Variants in IMMP1L observed in about 807,000 individuals in gnomAD.
IMMP1L encodes mitochondrial inner membrane protease subunit 1.
Under a neutral mutation model 21.8 loss-of-function variants are expected in IMMP1L, and 24 were observed. That is an observed-to-expected ratio of 1.10 (90% CI 0.80 to 1.55). The LOEUF (loss-of-function observed/expected upper bound fraction) is 1.55, where lower values mean the gene tolerates loss of function less well. Ranked by LOEUF, IMMP1L falls within the 40% of genes most tolerant of loss-of-function variation. The pLI, the probability that IMMP1L is intolerant of heterozygous loss-of-function variation, is 0.00. For synonymous variants in IMMP1L, 46 were observed against 62.8 expected, an observed-to-expected ratio of 0.73 and a Z score of 1.26; for missense variants, 195 against 200.7, an observed-to-expected ratio of 0.97 and a Z score of 0.17.
intron 4 of IMMP1L, among the ~76,000 whole-genome samples, chr11:31,435,702 T>C (rs1953095760): frequency 6.6e-6 from 1 of 152,174 alleles, no homozygotes; most frequent in East Asian, 1.9e-4. Context: ...TGGATTGATC[T>C]CCTTTTTTTC....
At chr11:31,492,640 A>C (rs1256046806) in intron 1 of IMMP1L, among the ~76,000 whole-genome samples, 2 of 152,184 alleles carry the variant, frequency 1.3e-5, no homozygotes, top group Non-Finnish European at 2.9e-5. Flanking sequence ...TCACTTGAAC[A>C]CTTAAAGACC....
At chr11:31,498,237 C>G (rs964780827) in intron 1 of IMMP1L, among the ~76,000 whole-genome samples, 1 of 151,978 alleles carries the variant, frequency 6.6e-6, no homozygotes, top group African/African-American at 2.4e-5. Context: ...ATTCTTTGAA[C>G]CTTTCACTTT....
chr11:31,491,408 T>C (rs117479573), intron 1 of IMMP1L, among the ~76,000 whole-genome samples: 46 of 152,290 alleles, frequency 3.0e-4, no homozygotes, highest in Admixed American at 4.6e-4. Flanking sequence ...GAACATGGTA[T>C]TGGAAAGTAA....
At chr11:31,495,756 C>T (rs1037620758) in intron 1 of IMMP1L, among the ~76,000 whole-genome samples, 4 of 152,052 alleles carry the variant, frequency 2.6e-5, no homozygotes, top group Non-Finnish European at 5.9e-5. Context: ...GGTGCCAAGA[C>T]CATTCAATGG....
intron 1 of IMMP1L, 30 bp from the exon 2 acceptor site, chr11:31,463,335 T>A (rs1209540397): frequency 8.4e-6 from 13 of 1,544,204 alleles, no homozygotes; most frequent in Non-Finnish European, 1.1e-5. Context: ...AGTTTCATGA[T>A]CAATACTATT....
At chr11:31,508,055 G>C (rs1955837176) in intron 1 of IMMP1L, among the ~76,000 whole-genome samples, 1 of 152,140 alleles carries the variant, frequency 6.6e-6, no homozygotes, top group African/African-American at 2.4e-5. Flanking sequence ...GCTAATGGAT[G>C]CTGGGCTTAA....
chr11:31,441,320 T>C (rs944773104), intron 4 of IMMP1L, among the ~76,000 whole-genome samples: 1 of 149,984 alleles, frequency 6.7e-6, no homozygotes, highest in East Asian at 1.9e-4. Flanking sequence ...TGTTTCAGGG[T>C]TGGGCTTTTT....
chr11:31,462,183 T>C lies in IMMP1L; in HGVS notation c.105+989A>G, dbSNP rs143875678. 7.9e-4 allele frequency among the ~76,000 whole-genome samples: 120 copies of C among 151,976 alleles called. 2 individuals are homozygous for C. The East Asian group carries it at 0.021, about 27-fold the overall frequency. The stretch of plus-strand genomic sequence containing the variant: ...TACAAAAATTAGCCAGGCATGGTGA[T>C]GTGCGCCTGTAGTCCTAGCTACTTG... On this transcript the variant is annotated intron_variant, in intron 2 of 5. Transcript: ENST00000532287.
At chr11:31,447,919 G>T (rs572875721) in intron 4 of IMMP1L, among the ~76,000 whole-genome samples, 1 of 152,262 alleles carries the variant, frequency 6.6e-6, no homozygotes, top group Admixed American at 6.5e-5. Flanking sequence ...ATTACCCAAA[G>T]TGGTAACATC....
chr11:31,453,316 C>T (rs1372848144), intron 4 of IMMP1L, among the ~76,000 whole-genome samples: 2 of 152,172 alleles, frequency 1.3e-5, no homozygotes, highest in African/African-American at 4.8e-5. Flanking sequence ...TTCCAATGAA[C>T]AATTTTGGTG....
rs555103895 is a variant in IMMP1L, at chr11:31,445,166, T to C, written c.321+11094A>G. 2.5e-3 allele frequency among the ~76,000 whole-genome samples: 376 copies of C among 152,348 alleles called. 3 individuals are homozygous for C. Among genetic ancestry groups the C allele is most frequent in the African/African-American group, 8.1e-3 (337 of 41,590 alleles). ...CCCAACTTAATTCAACAAAGGGTAT[T>C]TCAGACTGTAGTAGAAAATGGTGTT... On this transcript the variant is annotated intron_variant, in intron 4 of 5. Coordinates refer to ENST00000532287, the MANE Select transcript of IMMP1L (RefSeq NM_001304274.2).
chr11:31,466,047 C>G (rs891577942), intron 1 of IMMP1L, among the ~76,000 whole-genome samples: 1 of 151,736 alleles, frequency 6.6e-6, no homozygotes, highest in Non-Finnish European at 1.5e-5. Context: ...CTAGAATATA[C>G]AAGGAACCCA....
chr11:31,504,574 A>G (rs1006777417), intron 1 of IMMP1L, among the ~76,000 whole-genome samples: 1 of 152,222 alleles, frequency 6.6e-6, no homozygotes, highest in Non-Finnish European at 1.5e-5. Context: ...ACCATTCCCA[A>G]ATACTACTGG....
chr11:31,459,406 G>A (rs1378829027), intron 3 of IMMP1L, among the ~76,000 whole-genome samples: 3 of 152,144 alleles, frequency 2.0e-5, no homozygotes, highest in Non-Finnish European at 2.9e-5. Flanking sequence ...TTACTGAAAT[G>A]AAAGCAGGCA....
In IMMP1L at chr11:31,473,875, A is replaced by T. The variant is rs1421626559; in HGVS notation, c.-29-10570T>A. On this transcript the variant is annotated intron_variant, in intron 1 of 5. Transcript: ENST00000532287. The stretch of plus-strand genomic sequence containing the variant: ...GTATGTAAATACATTATATATGTAT[A>T]TATATGTCAAATGTTAAGACCATCG... 4 of 270,688 alleles carry T rather than the reference A, an allele frequency of 1.5e-5. No individual in the cohort carries two copies. In the South Asian group the frequency reaches 5.7e-4, roughly 39 times the overall value. 16.8% of individuals were successfully genotyped at this position (270,688 alleles called of 1,614,324 possible).
intron 1 of IMMP1L, among the ~76,000 whole-genome samples, chr11:31,464,971 G>A (rs575452012): frequency 6.6e-6 from 1 of 152,154 alleles, no homozygotes; most frequent in East Asian, 1.9e-4. Flanking sequence ...GAAATAAAGG[G>A]CATCCAAATT....
chr11:31,475,969 CCAGA>C (rs1954715467), intron 1 of IMMP1L, among the ~76,000 whole-genome samples: 1 of 152,016 alleles, frequency 6.6e-6, no homozygotes, highest in Non-Finnish European at 1.5e-5. Flanking sequence ...GTAAAACCTT[CCAGA>C]CAAATTCTGT....
intron 3 of IMMP1L, 40 bp downstream of exon 3, chr11:31,460,586 T>A: frequency 7.9e-7 from 1 of 1,270,928 alleles, no homozygotes; most frequent in Non-Finnish European, 1.1e-6. Context: ...TGTGTGTGTA[T>A]TTTCACTGTA....
At chr11:31,497,162 C>T (rs976743698) in intron 1 of IMMP1L, among the ~76,000 whole-genome samples, 1 of 151,230 alleles carries the variant, frequency 6.6e-6, no homozygotes, top group Non-Finnish European at 1.5e-5. Context: ...ATGGTATTTT[C>T]AACTTAAATT....
Sources: allele counts gnomAD v4.1 joint callset (sites outside exome capture counted in the v4.1 genomes callset), GRCh38; gene constraint gnomAD v4.1.1; transcripts MANE v1.5; gene names NCBI Gene and HGNC (gene_info 2026-07-23, HGNC 2026-07-21).